Variants in MAK16 observed in about 807,000 individuals in gnomAD.
MAK16 encodes the protein protein MAK16 homolog.
Under a neutral mutation model 49.9 loss-of-function variants are expected in MAK16, and 12 were observed. That is an observed-to-expected ratio of 0.24 (90% CI 0.15 to 0.39). The LOEUF (loss-of-function observed/expected upper bound fraction) is 0.39. Among genes scored for constraint, MAK16 ranks in the 10% least tolerant of loss-of-function variants. MAK16 has a pLI of 1.00. For missense variants in MAK16, 292 were observed against 363.7 expected (o/e 0.80, Z 1.60); for synonymous variants, 115 against 126.4 (o/e 0.91, Z 0.60).
chr8:33,487,045 G>A (rs1423436567), intron 1 of MAK16, among the ~76,000 whole-genome samples: 2 of 152,000 alleles, frequency 1.3e-5, no homozygotes, highest in Admixed American at 6.6e-5. Flanking sequence ...TTATTCTTTT[G>A]CCCTCTTCAT....
chr8:33,500,295 G>A lies in MAK16; in HGVS notation c.*1666G>A. The A allele has an allele frequency of 6.2e-7, 1 of 1,613,128 alleles. No homozygotes were observed. The highest frequency in any genetic ancestry group is 8.5e-7 in the Non-Finnish European group (1 of 1,179,390). On this transcript the variant is annotated 3_prime_UTR_variant, in exon 10 of 10. Coordinates refer to ENST00000360128, the MANE Select transcript of MAK16 (RefSeq NM_032509.4). ...ATGGGAATTACATAAGGATAATGAG[G>A]CCCAACTGAAACCAAGTTTCAGTCT... is the stretch of plus-strand genomic sequence containing the variant.
Position 33,496,717 on chromosome 8 carries a change from A to T in MAK16, c.615A>T (p.Lys205Asn). 1.2e-6 allele frequency: 2 copies of T among 1,610,470 alleles called. No individual in the cohort carries two copies. The highest frequency in any genetic ancestry group is 1.7e-6 in the Non-Finnish European group (2 of 1,178,164). ...AESDSSDTEEKDDDDDDEEDV... is the reference protein window; with the variant it reads ...AESDSSDTEENDDDDDDEEDV... The stretch of plus-strand genomic sequence containing the variant: ...GTGACTCTTCAGATACTGAGGAAAA[A>T]GATGATGATGATGATGATGAGGAAG... Residue 205 changes from lysine (K) to asparagine (N), a missense_variant, in exon 8 of 10, where the codon AAA becomes AAT. Physicochemically the swap from Lys to Asn is moderately conservative, Grantham distance 94. Transcript: ENST00000360128.
intron 9 of MAK16, among the ~76,000 whole-genome samples, 161 bp from the exon 10 acceptor site, chr8:33,498,271 C>CAAA (rs35740010): frequency 0.014 from 1,224 of 84,498 alleles, 26 homozygotes; most frequent in African/African-American, 0.033. Flanking sequence ...GACCCCGTCT[C>CAAA]AAAAAAAAAA....
chr8:33,490,042 A>G (rs1808752532), intron 5 of MAK16, among the ~76,000 whole-genome samples: 1 of 152,226 alleles, frequency 6.6e-6, no homozygotes, highest in African/African-American at 2.4e-5. Context: ...TTTTTATAGT[A>G]TTAAATTTCT....
chr8:33,487,489 G>T (rs564254069), intron 1 of MAK16, among the ~76,000 whole-genome samples: 5 of 151,034 alleles, frequency 3.3e-5, no homozygotes, highest in Non-Finnish European at 7.4e-5. Flanking sequence ...GCAGTGGCGT[G>T]ATCTCGGCTT....
Position 33,500,319 on chromosome 8 carries a change from C to A in MAK16, c.*1690C>A. ...GGCCCAACTGAAACCAAGTTTCAGT[C>A]TGCCTTACCTTTACCCGTCCTTGAG... is the stretch of plus-strand genomic sequence containing the variant. On this transcript the variant is annotated 3_prime_UTR_variant, in exon 10 of 10. Transcript: ENST00000360128. 6.2e-7 allele frequency: 1 copy of A among 1,614,020 alleles called. No individual in the cohort carries two copies. Among genetic ancestry groups the A allele is most frequent in the Non-Finnish European group, 8.5e-7 (1 of 1,179,970 alleles).
At chr8:33,487,220 AAGAGTATACTTTCTTTC>A (rs2128823219) in intron 1 of MAK16, among the ~76,000 whole-genome samples, 1 of 152,290 alleles carries the variant, frequency 6.6e-6, no homozygotes, top group South Asian at 2.1e-4. Context: ...AAACTCTTTA[AAGAGTATACTTTCTTTC>A]ATTCAGCAAA....
intron 6 of MAK16, among the ~76,000 whole-genome samples, chr8:33,491,780 C>T (rs886199070): frequency 6.7e-6 from 1 of 148,252 alleles, no homozygotes; most frequent in African/African-American, 2.5e-5. Flanking sequence ...ACTACAGGTG[C>T]ATGCCACCAT....
chr8:33,494,983 C>T (rs1808834363), intron 6 of MAK16, among the ~76,000 whole-genome samples: 1 of 152,162 alleles, frequency 6.6e-6, no homozygotes, highest in East Asian at 1.9e-4. Context: ...CGTAATCATT[C>T]TAACATAACT....
chr8:33,500,652 T>G lies in MAK16; in HGVS notation c.*2023T>G. The G allele has an allele frequency of 1.3e-6, 1 of 760,084 alleles. No homozygotes were observed. The highest frequency in any genetic ancestry group is 1.9e-5 in the South Asian group (1 of 52,914). 47.1% of individuals were successfully genotyped at this position (760,084 alleles called of 1,614,324 possible). A position where few individuals can be genotyped will look rare whatever the true frequency, so the allele number is the denominator to read the frequency against. ...TAAAAACAGAACCAAAGACAGCCTC[T>G]AGATTTCTTACCCTCAAGTCTCCTG... On this transcript the variant is annotated 3_prime_UTR_variant, in exon 10 of 10. Coordinates refer to ENST00000360128, the MANE Select transcript of MAK16 (RefSeq NM_032509.4).
Position 33,488,991 on chromosome 8 carries a change from C to T in MAK16, c.244C>T (p.Arg82Trp), listed in dbSNP as rs11538935. The change falls in exon 5 of 10, where the codon CGG (arginine) becomes TGG (tryptophan). Residue 82 changes from arginine (R) to tryptophan (W), a missense_variant. Coordinates refer to ENST00000360128, the MANE Select transcript of MAK16 (RefSeq NM_032509.4). The stretch of plus-strand genomic sequence containing the variant: ...ACTTCCTGTTTCTGTTTGGTAGGTC[C>T]GGCTTAGTAAAAACTATGAGAAAGC... ...AFPRRLWERV[R>W]LSKNYEKALE... is the part of the protein sequence containing the mutation. 111 of 1,614,014 alleles carry T rather than the reference C, an allele frequency of 6.9e-5. No individual in the cohort carries two copies. The highest frequency in any genetic ancestry group is 6.7e-4 in the East Asian group (30 of 44,878).
In MAK16 at chr8:33,498,483, T is replaced by A. The variant is rs770181184; in HGVS notation, c.757T>A (p.Ser253Thr). 2 of 1,613,884 alleles carry A rather than the reference T, an allele frequency of 1.2e-6. No homozygotes were observed. Among genetic ancestry groups the A allele is most frequent in the South Asian group, 2.2e-5 (2 of 91,068 alleles). ...SSDEDQDGKS[S>T]SEEEEEKALS... is the part of the protein sequence containing the mutation. Reference sequence around the variant, plus strand: ...TGATGAAGATCAGGATGGTAAATCCTCCAGTGAGGAGGAGGAAGAAAAGGC... The same window carrying A: ...TGATGAAGATCAGGATGGTAAATCCACCAGTGAGGAGGAGGAAGAAAAGGC... Residue 253 changes from serine to threonine, a missense_variant, in exon 10 of 10, where the codon TCC becomes ACC. Transcript: ENST00000360128.
Position 33,489,339 on chromosome 8 carries a change from T to C in MAK16, c.392+200T>C. 1.9e-6 allele frequency: 1 copy of C among 518,132 alleles called. No homozygotes were observed. The highest frequency in any genetic ancestry group is 3.0e-5 in the South Asian group (1 of 33,446). 32.1% of individuals were successfully genotyped at this position (518,132 alleles called of 1,614,324 possible). On this transcript the variant is annotated intron_variant, in intron 5 of 9. Transcript: ENST00000360128. This position sits in a 1 kb window ranked among gnomAD's most constrained non-coding sequence, Gnocchi z 4.2. ...TTTAAAACAGTAGAATACAACTTGA[T>C]TATCACCCTCCTTGTCTGAAAATCT...
At chr8:33,492,491 A>G (rs1000107618) in intron 6 of MAK16, among the ~76,000 whole-genome samples, 10 of 152,130 alleles carry the variant, frequency 6.6e-5, no homozygotes, top group Admixed American at 6.6e-4. Flanking sequence ...CAGATCTATG[A>G]CCTGGAGTTT....
chr8:33,493,214 T>A (rs141179193), intron 6 of MAK16, among the ~76,000 whole-genome samples: 152 of 152,296 alleles, frequency 1.0e-3, no homozygotes, highest in African/African-American at 3.5e-3. Flanking sequence ...AATGCAGTGG[T>A]GCAGTTTTGG....
In MAK16 at chr8:33,499,008, T is replaced by C. The variant is rs182222200; in HGVS notation, c.*379T>C. The C allele has an allele frequency of 3.1e-6, 2 of 642,782 alleles. No homozygotes were observed. Among genetic ancestry groups the C allele is most frequent in the Admixed American group, 2.9e-5 (1 of 33,970 alleles). 39.8% of individuals were successfully genotyped at this position (642,782 alleles called of 1,614,324 possible). A position where few individuals can be genotyped will look rare whatever the true frequency, so the allele number is the denominator to read the frequency against. ...ATGGAAGGAGTTCAATTTTTTCTTG[T>C]TCTACTTTCCCTATTCTTATGGAGG... On this transcript the variant is annotated 3_prime_UTR_variant, in exon 10 of 10. Transcript: ENST00000360128.
In MAK16 at chr8:33,498,783, C is replaced by A; in HGVS notation, c.*154C>A. 1 of 691,070 alleles carries A rather than the reference C, an allele frequency of 1.4e-6. No individual in the cohort carries two copies. The highest frequency in any genetic ancestry group is 2.4e-6 in the Non-Finnish European group (1 of 416,454). The allele number at this position is 691,070 out of a possible 1,614,324, so 42.8% of individuals were successfully genotyped here. Reference sequence around the variant, plus strand: ...TATTATTTATGCCACGTCAGTGGGGCAAGAAATCTGGAGTGAGTGAAGAAA... The same window carrying A: ...TATTATTTATGCCACGTCAGTGGGGAAAGAAATCTGGAGTGAGTGAAGAAA... On this transcript the variant is annotated 3_prime_UTR_variant, in exon 10 of 10. Transcript: ENST00000360128.
intron 7 of MAK16, among the ~76,000 whole-genome samples, chr8:33,496,069 C>T (rs1331779577): frequency 3.3e-5 from 5 of 152,044 alleles, no homozygotes; most frequent in African/African-American, 1.2e-4. Flanking sequence ...TTAATTAATG[C>T]AAGCACATAA....
chr8:33,488,458 T>G (rs200514983), intron 2 of MAK16, 31 bp downstream of exon 2: 1 of 1,613,970 alleles, frequency 6.2e-7, no homozygotes, highest in Non-Finnish European at 8.5e-7. Context: ...TGGTCAAAGA[T>G]TCCTTCAGTT....
Sources: allele counts gnomAD v4.1 joint callset (sites outside exome capture counted in the v4.1 genomes callset), GRCh38; gene constraint gnomAD v4.1.1; non-coding constraint Gnocchi (gnomAD v3.1); transcripts MANE v1.5; gene names NCBI Gene and HGNC (gene_info 2026-07-23, HGNC 2026-07-21).